LEF1: variants seen among roughly 807,000 people sequenced by gnomAD.
LEF1 encodes the protein lymphoid enhancer binding factor 1, also known as lymphoid enhancer-binding factor 1.
Under a neutral mutation model 51.2 loss-of-function variants are expected in LEF1, and 14 were observed. The observed-to-expected ratio is 0.27, with a 90% CI of 0.18 to 0.43. The LOEUF is 0.43. LEF1 is among the 20% of genes least tolerant of loss of function. LEF1 has a pLI of 1.00. For missense variants in LEF1, 386 were observed against 512.0 expected (o/e 0.75, Z 2.37); for synonymous variants, 185 against 183.2 (o/e 1.01, Z -0.08).
chr4:108,120,561 A>G (rs896037273), intron 3 of LEF1, among the ~76,000 whole-genome samples: 4 of 152,216 alleles, frequency 2.6e-5, no homozygotes, highest in African/African-American at 9.6e-5. Flanking sequence ...GTCAGCTGCA[A>G]TGTGGAATCT....
At chr4:108,084,018 T>G (rs1452456997) in intron 4 of LEF1, among the ~76,000 whole-genome samples, 1 of 152,206 alleles carries the variant, frequency 6.6e-6, no homozygotes, top group Non-Finnish European at 1.5e-5. Context: ...TTCATCAAGT[T>G]GAGTCCTCTG....
intron 1 of LEF1, chr4:108,166,189 C>A: frequency 7.0e-7 from 1 of 1,419,692 alleles, no homozygotes; most frequent in Non-Finnish European, 9.3e-7. Context: ...CGCCCCCAGC[C>A]CGCTCAAACT....
chr4:108,076,252 T>C (rs1010271245), intron 8 of LEF1, among the ~76,000 whole-genome samples: 1 of 152,240 alleles, frequency 6.6e-6, no homozygotes, highest in Non-Finnish European at 1.5e-5. Context: ...TTATTGGCTA[T>C]TTATTTGTCT....
At chr4:108,152,085 T>C (rs548704607) in intron 3 of LEF1, among the ~76,000 whole-genome samples, 1 of 152,084 alleles carries the variant, frequency 6.6e-6, no homozygotes, top group Non-Finnish European at 1.5e-5. Flanking sequence ...GCTACAGAGC[T>C]CTGAGGGAGG....
At chr4:108,060,768 C>T (rs984904132) in intron 11 of LEF1, among the ~76,000 whole-genome samples, 1 of 151,850 alleles carries the variant, frequency 6.6e-6, no homozygotes, top group Admixed American at 6.6e-5. Context: ...AATCAACTAC[C>T]CTCACAGCAA....
At chr4:108,148,287 A>AT (rs67361089) in intron 3 of LEF1, among the ~76,000 whole-genome samples, 1 of 60,298 alleles carries the variant, frequency 1.7e-5, no homozygotes, top group Non-Finnish European at 4.3e-5. Context: ...AAAAAAAAAA[A>AT]AATTTATCAA....
chr4:108,139,100 C>T (rs1743485011), intron 3 of LEF1, among the ~76,000 whole-genome samples: 1 of 152,186 alleles, frequency 6.6e-6, no homozygotes, highest in African/African-American at 2.4e-5. Flanking sequence ...AATCTTCATT[C>T]CCCTCTTCTC....
At chr4:108,132,413 G>A (rs1029969979) in intron 3 of LEF1, among the ~76,000 whole-genome samples, 1 of 151,924 alleles carries the variant, frequency 6.6e-6, no homozygotes, top group Non-Finnish European at 1.5e-5. Context: ...TTTGCAACTC[G>A]AGTCTCATTT....
chr4:108,162,914 G>A (rs1745153837), intron 3 of LEF1, among the ~76,000 whole-genome samples: 1 of 151,826 alleles, frequency 6.6e-6, no homozygotes, highest in Non-Finnish European at 1.5e-5. Context: ...TCTTTATAAT[G>A]TTATGCATTT....
At chr4:108,163,430 A>G (rs1745185736) in intron 3 of LEF1, 138 bp downstream of exon 3, 1 of 905,754 alleles carries the variant, frequency 1.1e-6, no homozygotes, top group South Asian at 1.8e-5. Flanking sequence ...GCCATTCCTC[A>G]TAACAGCTCT....
intron 11 of LEF1, among the ~76,000 whole-genome samples, chr4:108,058,925 C>A (rs1007105585): frequency 1.3e-5 from 2 of 152,182 alleles, no homozygotes; most frequent in African/African-American, 4.8e-5. Context: ...GCAGTCTTAT[C>A]CCCTGAGGCC....
At chr4:108,131,816 T>TA (rs1185234010) in intron 3 of LEF1, among the ~76,000 whole-genome samples, 3 of 151,896 alleles carry the variant, frequency 2.0e-5, no homozygotes, top group African/African-American at 4.8e-5. Context: ...AAACTCCCAG[T>TA]AAAAAAAACT....
At chr4:108,143,426 T>A (rs1190410507) in intron 3 of LEF1, among the ~76,000 whole-genome samples, 2 of 152,214 alleles carry the variant, frequency 1.3e-5, no homozygotes, top group Non-Finnish European at 2.9e-5. Context: ...CGGAAATAAG[T>A]TCCAGTGTTA....
At chr4:108,166,531 G>T (rs1401784157) in intron 1 of LEF1, 4 of 1,296,252 alleles carry the variant, frequency 3.1e-6, no homozygotes, top group Non-Finnish European at 3.9e-6. Flanking sequence ...TGGAGTGTCG[G>T]GTATCAGGGT....
At chr4:108,079,426 G>C (rs1739135276) in intron 7 of LEF1, 66 bp downstream of exon 7, 2 of 1,547,576 alleles carry the variant, frequency 1.3e-6, no homozygotes, top group Non-Finnish European at 1.8e-6. Flanking sequence ...CTGTTGCAAA[G>C]GAGCAACAGT....
chr4:108,167,094 G>A lies in LEF1; in HGVS notation c.213+461C>T, dbSNP rs1311630659. 6.6e-6 allele frequency among the ~76,000 whole-genome samples: 1 copy of A among 152,098 alleles called. No homozygotes were observed. Among genetic ancestry groups the A allele is most frequent in the Non-Finnish European group, 1.5e-5 (1 of 68,026 alleles). ...TGTGGCTCTGCTCGTCTCCACCTAA[G>A]CCTTTGGTGGTTTAACGCACTTTTG... On this transcript the variant is annotated intron_variant, in intron 1 of 11. Coordinates refer to ENST00000265165, the MANE Select transcript of LEF1 (RefSeq NM_016269.5). The surrounding 1 kb of genome is among the most constrained non-coding windows in gnomAD (Gnocchi z 5.7).
rs543410852 is a variant in LEF1 at position 108,167,950 on chromosome 4, G to A, written c.-183C>T. ...GGCCGGCAGCCGGAGCAGCTGCCGC[G>A]GCGCCCGAATCCCGGCGGCCGCCGC... is the stretch of plus-strand genomic sequence containing the variant. On this transcript the variant is annotated 5_prime_UTR_variant, in exon 1 of 12. Transcript: ENST00000265165. The surrounding 1 kb of genome is among the most constrained non-coding windows in gnomAD (Gnocchi z 5.7). The A allele has an allele frequency of 4.4e-3, 1,522 of 344,590 alleles. 3 individuals are homozygous for A. The highest frequency in any genetic ancestry group is 6.2e-3 in the Non-Finnish European group (1,233 of 197,426). 21.3% of individuals were successfully genotyped at this position (344,590 alleles called of 1,614,324 possible).
At chr4:108,107,242 A>G (rs1415473987) in intron 3 of LEF1, among the ~76,000 whole-genome samples, 1 of 151,990 alleles carries the variant, frequency 6.6e-6, no homozygotes, top group Non-Finnish European at 1.5e-5. Context: ...GATAGAATTT[A>G]TAAGCAGAGA....
chr4:108,136,639 G>A (rs1578385994), intron 3 of LEF1, among the ~76,000 whole-genome samples: 1 of 151,854 alleles, frequency 6.6e-6, no homozygotes. Context: ...TTCACACATT[G>A]TATAAAACAT....
Sources: allele counts gnomAD v4.1 joint callset (sites outside exome capture counted in the v4.1 genomes callset), GRCh38; gene constraint gnomAD v4.1.1; non-coding constraint Gnocchi (gnomAD v3.1); transcripts MANE v1.5; gene names NCBI Gene and HGNC (gene_info 2026-07-23, HGNC 2026-07-21).